Variants in WDR87 observed in about 807,000 individuals in gnomAD.
WDR87 encodes WD repeat-containing protein 87.
A neutral mutation model predicts 83.3 loss-of-function variants in WDR87; 56 were observed. The observed-to-expected ratio is 0.67, with a 90% CI of 0.54 to 0.84. The LOEUF (loss-of-function observed/expected upper bound fraction) is 0.84. Among genes scored for constraint, WDR87 ranks in the 40% least tolerant of loss-of-function variants. The probability of loss-of-function intolerance (pLI) is 0.00; values close to 1 mark genes in which losing one functional copy is unlikely to be tolerated. For missense variants in WDR87, 2,939 were observed against 3,431.9 expected (o/e 0.86, Z 3.59); for synonymous variants, 1,173 against 1,250.6 (o/e 0.94, Z 1.31).
intron 1 of WDR87, among the ~76,000 whole-genome samples, chr19:37,902,617 C>T (rs950275490): frequency 6.6e-6 from 1 of 152,232 alleles, no homozygotes; most frequent in Non-Finnish European, 1.5e-5. Flanking sequence ...CATGTTATTC[C>T]TGCTGACTGT....
chr19:37,902,736 A>AAC (rs1230356677), intron 1 of WDR87, among the ~76,000 whole-genome samples: 1 of 152,096 alleles, frequency 6.6e-6, no homozygotes, highest in East Asian at 1.9e-4. Context: ...AGGAAAGGCA[A>AAC]ACCTCCCACG....
chr19:37,894,764 A>C lies in WDR87; in HGVS notation c.939T>G (p.Thr313=). The C allele has an allele frequency of 1.3e-6, 2 of 1,551,732 alleles. No homozygotes were observed. Among genetic ancestry groups the C allele is most frequent in the East Asian group, 2.4e-5 (1 of 40,918 alleles). The change falls in exon 4 of 6, where the codon ACT becomes ACG. Residue 313 remains threonine (T), a synonymous_variant. Coordinates refer to ENST00000447313, the MANE Select transcript of WDR87 (RefSeq NM_001291088.2). ...CTAGCCGCCGAAGCAGGCTCCCTGA[A>C]GTCAGGTTCCACTCCTTGATTAGGC... ...SDSLIKEWNL[T]SGSLLRRLEL...
rs775865449 is a variant in WDR87, at chr19:37,893,525, C to G, written c.2178G>C (p.Gln726His). 5.2e-6 allele frequency: 8 copies of G among 1,551,692 alleles called. No individual in the cohort carries two copies. In the African/African-American group the frequency reaches 8.2e-5, roughly 16 times the overall value. Residue 726 changes from glutamine to histidine, a missense_variant, in exon 4 of 6, where the codon CAG becomes CAC. Gln to His is a conservative substitution (Grantham distance 24). Transcript: ENST00000447313. ...PKYIYPGQAQ[Q>H]KLVGLEKLVN... ...CAAGTTTCTCCAGACCCACTAATTT[C>G]TGTTGCGCTTGTCCAGGGTAGATGT...
In WDR87 at chr19:37,886,153, C is replaced by T; in HGVS notation, c.7518G>A (p.Met2506Ile). The T allele has an allele frequency of 6.4e-7, 1 of 1,551,736 alleles. No individual in the cohort carries two copies. Among genetic ancestry groups the T allele is most frequent in the Non-Finnish European group, 8.7e-7 (1 of 1,147,002 alleles). ...CCACGGTCCTCCTTAATATGTGGGACATAAATGGGGTCTTTAAGTCCTGTG... is the reference window on the plus strand; with the variant it reads ...CCACGGTCCTCCTTAATATGTGGGATATAAATGGGGTCTTTAAGTCCTGTG... Reference protein sequence around the residue: ...SQAQDLKTPFMSHILRRTVEA... With the variant: ...SQAQDLKTPFISHILRRTVEA... Residue 2506 changes from methionine to isoleucine, a missense_variant, in exon 6 of 6, where the codon ATG becomes ATA. This residue lies in a region of WDR87 where 2,160 missense variants were observed against 2,533.1 expected (regional missense o/e 0.85). Coordinates refer to ENST00000447313, the MANE Select transcript of WDR87 (RefSeq NM_001291088.2).
rs754803076 is a variant in WDR87 at position 37,886,672 on chromosome 19, CTTT to C, written c.6996_6998del (p.Lys2335del). 58 of 1,492,322 alleles carry C rather than the reference CTTT, an allele frequency of 3.9e-5. No homozygotes were observed. Among genetic ancestry groups the C allele is most frequent in the Non-Finnish European group, 5.2e-5 (57 of 1,100,588 alleles). 92.4% of individuals were successfully genotyped at this position (1,492,322 alleles called of 1,614,324 possible). ...CCTTCTCCTGAACCTCCTCCTTCTT[CTTT>C]TCCTTTTTCTTCTTCTTCTTCTCCT... On this transcript the variant is annotated inframe_deletion, in exon 6 of 6. Coordinates refer to ENST00000447313, the MANE Select transcript of WDR87 (RefSeq NM_001291088.2).
chr19:37,890,777 C>G (rs944143026), intron 5 of WDR87, among the ~76,000 whole-genome samples: 2 of 152,108 alleles, frequency 1.3e-5, no homozygotes, highest in Non-Finnish European at 2.9e-5. Flanking sequence ...GATTCATTTG[C>G]CTTTTTTAGG....
At position 37,892,977 on chromosome 19, in the gene WDR87, A is replaced by G; in HGVS notation, c.2726T>C (p.Leu909Pro). The G allele has an allele frequency of 6.4e-7, 1 of 1,551,952 alleles. No homozygotes were observed. The highest frequency in any genetic ancestry group is 8.7e-7 in the Non-Finnish European group (1 of 1,147,058). The part of the protein sequence containing the change: ...VLTDGANRSW[L>P]GRKMSEITIN... ...GGTTATTTCACTCATCTTTCTTCCC[A>G]GCCAACTTCGGTTTGCTCCATCTGT... Residue 909 changes from leucine (L) to proline (P), a missense_variant, in exon 4 of 6, where the codon CTG becomes CCG. Physicochemically the swap from Leu to Pro is moderately conservative, Grantham distance 98 (BLOSUM62 -3). Around this residue, in one of 3 missense-constraint regions of WDR87, gnomAD observed 2,160 missense variants for 2,533.1 expected, o/e 0.85. Transcript: ENST00000447313.
Position 37,889,301 on chromosome 19 carries a change from C to G in WDR87, c.4370G>C (p.Arg1457Thr). 3.9e-6 allele frequency: 6 copies of G among 1,551,856 alleles called. No homozygotes were observed. Among genetic ancestry groups the G allele is most frequent in the Non-Finnish European group, 5.2e-6 (6 of 1,147,022 alleles). The change falls in exon 6 of 6, where the codon AGG becomes ACG. Residue 1457 changes from arginine to threonine, a missense_variant. By Grantham distance (71) the Arg-to-Thr change is moderately conservative (BLOSUM62 -1). Coordinates refer to ENST00000447313, the MANE Select transcript of WDR87 (RefSeq NM_001291088.2). ...QKERKVGKIK[R>T]EMTKEERDMS... ...ATCCCTCTCTTCTTTGGTCATTTCC[C>G]TCTTTATTTTTCCTACTTTTCTTTC... is the stretch of plus-strand genomic sequence containing the variant.
At position 37,889,209 on chromosome 19, in the gene WDR87, C is replaced by A; in HGVS notation, c.4462G>T (p.Val1488Phe). The change falls in exon 6 of 6, where the codon GTT (valine) becomes TTT (phenylalanine). Residue 1488 changes from valine (V) to phenylalanine (F), a missense_variant. Coordinates refer to ENST00000447313, the MANE Select transcript of WDR87 (RefSeq NM_001291088.2). ...CAAGATGGTGTCCTCTCAATCATAA[C>A]CAGTTTTCCTTCTTGTTTGACCACT... ...EKVVKQEGKL[V>F]MIERTPSWQD... The A allele has an allele frequency of 6.4e-7, 1 of 1,552,200 alleles. No individual in the cohort carries two copies. The highest frequency in any genetic ancestry group is 8.7e-7 in the Non-Finnish European group (1 of 1,147,114).
At chr19:37,898,364 C>T in intron 1 of WDR87, 79 bp from the exon 2 acceptor site, 6 of 1,466,806 alleles carry the variant, frequency 4.1e-6, no homozygotes, top group Non-Finnish European at 5.4e-6. Context: ...CAACAATGAA[C>T]TCATGTTTAT....
intron 5 of WDR87, 103 bp downstream of exon 5, chr19:37,891,449 A>C: frequency 7.1e-7 from 1 of 1,415,592 alleles, no homozygotes; most frequent in Non-Finnish European, 9.5e-7. Context: ...GGCATGAGCC[A>C]TCATGTCCCG....
rs938240891 is a variant in WDR87 at position 37,906,547 on chromosome 19, A to T, written c.-95T>A. On this transcript the variant is annotated 5_prime_UTR_variant, in exon 1 of 6. Transcript: ENST00000447313. ...GACGGGTACGGCGTGTGCACTCAGG[A>T]GCTCCTAGAGCTAGGGGCAGCAACT... 4.6e-5 allele frequency: 7 copies of T among 151,966 alleles called. No individual in the cohort carries two copies. The highest frequency in any genetic ancestry group is 1.5e-4 in the African/African-American group (6 of 41,378). The allele number at this position is 151,966 out of a possible 1,614,324, so 9.4% of individuals were successfully genotyped here. A position where few individuals can be genotyped will look rare whatever the true frequency, so the allele number is the denominator to read the frequency against.
In WDR87 at chr19:37,888,707, A is replaced by C; in HGVS notation, c.4964T>G (p.Leu1655Arg). ...ERQLAQEERK[L>R]AQAYVKITQD... is the part of the protein sequence containing the mutation. ...GGTTATTTTCACGTATGCCTGGGCC[A>C]GTTTTCTCTCTTCCTGGGCCAACTG... The change falls in exon 6 of 6, where the codon CTG becomes CGG. Residue 1655 changes from leucine (L) to arginine (R), a missense_variant. Around this residue, in one of 3 missense-constraint regions of WDR87, gnomAD observed 2,160 missense variants for 2,533.1 expected, o/e 0.85. Transcript: ENST00000447313. The C allele has an allele frequency of 2.6e-6, 4 of 1,551,810 alleles. No homozygotes were observed. The highest frequency in any genetic ancestry group is 2.6e-6 in the Non-Finnish European group (3 of 1,147,062).
rs369376269 is a variant in WDR87 at position 37,886,131 on chromosome 19, C to T, written c.7540G>A (p.Val2514Met). 62 of 1,551,748 alleles carry T rather than the reference C, an allele frequency of 4.0e-5. No individual in the cohort carries two copies. In the East Asian group the frequency reaches 4.9e-4, roughly 12 times the overall value. The change falls in exon 6 of 6, where the codon GTG becomes ATG. Residue 2514 changes from valine to methionine, a missense_variant. Around this residue, in one of 3 missense-constraint regions of WDR87, gnomAD observed 2,160 missense variants for 2,533.1 expected, o/e 0.85. Transcript: ENST00000447313. ...PFMSHILRRTVEAEELQHKPL... is the reference protein window; with the variant it reads ...PFMSHILRRTMEAEELQHKPL... ...TTGTGTTGGAGTTCCTCAGCTTCCA[C>T]GGTCCTCCTTAATATGTGGGACATA...
intron 1 of WDR87, among the ~76,000 whole-genome samples, chr19:37,902,753 G>T (rs1415244227): frequency 6.6e-6 from 1 of 152,114 alleles, no homozygotes; most frequent in Non-Finnish European, 1.5e-5. Context: ...CACGAGCTTT[G>T]CCTTGTTAAA....
Position 37,885,580 on chromosome 19 carries a change from G to C in WDR87, c.8091C>G (p.His2697Gln). 1 of 1,551,664 alleles carries C rather than the reference G, an allele frequency of 6.4e-7. No individual in the cohort carries two copies. Among genetic ancestry groups the C allele is most frequent in the African/African-American group, 1.4e-5 (1 of 73,148 alleles). ...SERAQQISIA[H>Q]KEMEMQYFYP... Reference sequence around the variant, plus strand: ...AAAAGTATTGCATTTCCATCTCCTTGTGAGCAATGGATATCTGCTGTGCCC... The same window carrying C: ...AAAAGTATTGCATTTCCATCTCCTTCTGAGCAATGGATATCTGCTGTGCCC... The change falls in exon 6 of 6, where the codon CAC (histidine) becomes CAG (glutamine). Residue 2697 changes from histidine (H) to glutamine (Q), a missense_variant. Transcript: ENST00000447313.
chr19:37,898,204 A>G lies in WDR87; in HGVS notation c.36T>C (p.Asp12=). The change falls in exon 2 of 6, where the codon GAT becomes GAC. Residue 12 remains aspartate, a synonymous_variant. Coordinates refer to ENST00000447313, the MANE Select transcript of WDR87 (RefSeq NM_001291088.2). The part of the protein sequence containing the change: ...SSPRLIPLWK[D]LKLLLNDTIN... ...TGGTGTCATTTAGGAGGAGTTTTAA[A>G]TCTTTCCACAGGGGAATGAGCCTGG... 1 of 1,551,714 alleles carries G rather than the reference A, an allele frequency of 6.4e-7. No homozygotes were observed. The highest frequency in any genetic ancestry group is 8.7e-7 in the Non-Finnish European group (1 of 1,146,994).
Position 37,885,654 on chromosome 19 carries a change from G to A in WDR87, c.8017C>T (p.Pro2673Ser). Reference sequence around the variant, plus strand: ...AGAAGATGCCAATTTTTAGCCCTTGGGTCTGGAATCCTCTTGGTAGCTAAT... The same window carrying A: ...AGAAGATGCCAATTTTTAGCCCTTGAGTCTGGAATCCTCTTGGTAGCTAAT... ...SPLATKRIPDPRAKNWHLLGE... is the reference protein window; with the variant it reads ...SPLATKRIPDSRAKNWHLLGE... Residue 2673 changes from proline to serine, a missense_variant, in exon 6 of 6, where the codon CCA becomes TCA. By Grantham distance (74) the Pro-to-Ser change is moderately conservative. Coordinates refer to ENST00000447313, the MANE Select transcript of WDR87 (RefSeq NM_001291088.2). 1.3e-6 allele frequency: 2 copies of A among 1,551,754 alleles called. No homozygotes were observed. Among genetic ancestry groups the A allele is most frequent in the African/African-American group, 1.4e-5 (1 of 73,134 alleles).
Position 37,893,927 on chromosome 19 carries a change from T to C in WDR87, c.1776A>G (p.Ser592=). Residue 592 remains serine, a synonymous_variant, in exon 4 of 6, where the codon TCA becomes TCG. Coordinates refer to ENST00000447313, the MANE Select transcript of WDR87 (RefSeq NM_001291088.2). Reference sequence around the variant, plus strand: ...TTTCTATGAATTTCAAGCCATTCTGTGACCCAGAGGACAGAAAATCATGGA... The same window carrying C: ...TTTCTATGAATTTCAAGCCATTCTGCGACCCAGAGGACAGAAAATCATGGA... ...WKFHDFLSSG[S]QNGLKFIETL... is the part of the protein sequence containing the mutation. 6.4e-7 allele frequency: 1 copy of C among 1,551,890 alleles called. No homozygotes were observed. Among genetic ancestry groups the C allele is most frequent in the Non-Finnish European group, 8.7e-7 (1 of 1,147,030 alleles).
Sources: gnomAD v4.1 joint callset for allele counts (sites outside exome capture counted in the v4.1 genomes callset) on GRCh38, gnomAD v4.1.1 for gene constraint, gnomAD v4.1.1 regional missense constraint, MANE v1.5 for transcripts, NCBI Gene and HGNC (gene_info 2026-07-23, HGNC 2026-07-21) for gene names.